The following BARD1 variants were observed in gnomAD, a reference collection of about 807,000 sequenced individuals.
BARD1 encodes the protein BRCA1 associated RING domain 1.
Under a neutral mutation model 77.0 loss-of-function variants are expected in BARD1, and 73 were observed. The observed-to-expected ratio is 0.95, with a 90% CI of 0.79 to 1.15. BARD1 has a LOEUF of 1.15. Ranked by LOEUF, BARD1 falls within the 50% of genes most tolerant of loss-of-function variation. BARD1 has a pLI of 0.00. For synonymous variants in BARD1, 384 were observed against 338.0 expected, an observed-to-expected ratio of 1.14 and a Z score of -1.49; for missense variants, 993 against 938.8, an observed-to-expected ratio of 1.06 and a Z score of -0.75.
rs371785856 is a variant in BARD1, at chr2:214,767,517, C to A, written c.1533G>T (p.Lys511Asn). Reference sequence around the variant, plus strand: ...TGGAGGCTCCATAGGAAAGTAACAGCTTGACTATATCCACATGCCCATTCT... The same window carrying A: ...TGGAGGCTCCATAGGAAAGTAACAGATTGACTATATCCACATGCCCATTCT... ...AAKNGHVDIV[K>N]LLLSYGASRN... The change falls in exon 6 of 11, where the codon AAG becomes AAT. Residue 511 changes from lysine to asparagine, a missense_variant. Transcript: ENST00000260947. 6.2e-7 allele frequency: 1 copy of A among 1,613,950 alleles called. No homozygotes were observed. The highest frequency in any genetic ancestry group is 1.1e-5 in the South Asian group (1 of 91,070).
intron 2 of BARD1, among the ~76,000 whole-genome samples, chr2:214,794,797 A>G (rs2106140995): frequency 6.6e-6 from 1 of 152,314 alleles, no homozygotes; most frequent in Non-Finnish European, 1.5e-5. Context: ...TTTAACTCAA[A>G]ATCTGCATGA....
rs1559373888 is a variant in BARD1 at position 214,730,436 on chromosome 2, C to T, written c.1976G>A (p.Arg659Lys). 6.2e-7 allele frequency: 1 copy of T among 1,613,818 alleles called. No individual in the cohort carries two copies. The highest frequency in any genetic ancestry group is 8.5e-7 in the Non-Finnish European group (1 of 1,179,824). The change falls in exon 10 of 11, where the codon AGA becomes AAA. Residue 659 changes from arginine to lysine, a missense_variant. Transcript: ENST00000260947. ...CAGCTGTTCTCTGTTGAGCCTGCTTCTGCGTGGACCTTCAGGAATTTCATA... is the reference window on the plus strand; with the variant it reads ...CAGCTGTTCTCTGTTGAGCCTGCTTTTGCGTGGACCTTCAGGAATTTCATA... ...EKYEIPEGPRRSRLNREQLLP... is the reference protein window; with the variant it reads ...EKYEIPEGPRKSRLNREQLLP...
intron 3 of BARD1, among the ~76,000 whole-genome samples, chr2:214,791,402 G>A (rs1695505110): frequency 6.6e-6 from 1 of 152,172 alleles, no homozygotes; most frequent in Non-Finnish European, 1.5e-5. Context: ...AATTTTATAT[G>A]AGCATTATCA....
Position 214,728,838 on chromosome 2 carries a change from C to A in BARD1, c.2172G>T (p.Ala724=), listed in dbSNP as rs143331809. 5.3e-5 allele frequency: 86 copies of A among 1,614,080 alleles called. No individual in the cohort carries two copies. Among genetic ancestry groups the A allele is most frequent in the Non-Finnish European group, 6.7e-5 (79 of 1,180,050 alleles). ...AGAAGCGCTGATCAGAATCGGGTCT[C>A]GCATGGTATGCGACTGTATTGATGG... ...TQTINTVAYH[A]RPDSDQRFCT... The change falls in exon 11 of 11, where the codon GCG becomes GCT. Residue 724 remains alanine (A), a synonymous_variant. Transcript: ENST00000260947.
intron 4 of BARD1, among the ~76,000 whole-genome samples, chr2:214,772,676 T>A (rs1694560767): frequency 6.6e-6 from 1 of 152,194 alleles, no homozygotes; most frequent in African/African-American, 2.4e-5. Context: ...TATAGCTGAT[T>A]AGCAAACGGC....
At chr2:214,769,559 T>C (rs1285870693) in intron 4 of BARD1, among the ~76,000 whole-genome samples, 1 of 152,112 alleles carries the variant, frequency 6.6e-6, no homozygotes, top group African/African-American at 2.4e-5. Context: ...CTGGTCAACA[T>C]GGTGAAACCC....
intron 2 of BARD1, among the ~76,000 whole-genome samples, chr2:214,794,801 T>G (rs1199664394): frequency 1.3e-5 from 2 of 152,196 alleles, no homozygotes; most frequent in African/African-American, 4.8e-5. Context: ...ACTCAAAATC[T>G]GCATGAATAA....
intron 4 of BARD1, among the ~76,000 whole-genome samples, chr2:214,777,894 T>C (rs1033736486): frequency 3.9e-5 from 6 of 152,216 alleles, no homozygotes; most frequent in Non-Finnish European, 8.8e-5. Flanking sequence ...AGGAATGAAA[T>C]GAAAACTGTT....
At position 214,727,273 on chromosome 2, in the gene BARD1, A is replaced by G. The variant is rs1280391383; in HGVS notation, c.*1403T>C. 2 of 230,344 alleles carry G rather than the reference A, an allele frequency of 8.7e-6. No homozygotes were observed. Among genetic ancestry groups the G allele is most frequent in the Non-Finnish European group, 1.7e-5 (2 of 116,342 alleles). The allele number at this position is 230,344 out of a possible 1,614,324, so 14.3% of individuals were successfully genotyped here. Reference sequence around the variant, plus strand: ...TTTTCAAATGATAAACAGAATCTCAAACTTTCAAGTAAGTGCATCTTAAGA... The same window carrying G: ...TTTTCAAATGATAAACAGAATCTCAGACTTTCAAGTAAGTGCATCTTAAGA... On this transcript the variant is annotated 3_prime_UTR_variant, in exon 11 of 11. Coordinates refer to ENST00000260947, the MANE Select transcript of BARD1 (RefSeq NM_000465.4).
chr2:214,790,909 T>C lies in BARD1; in HGVS notation c.364+1388A>G, dbSNP rs188621435. On this transcript the variant is annotated intron_variant, in intron 3 of 10. Coordinates refer to ENST00000260947, the MANE Select transcript of BARD1 (RefSeq NM_000465.4). ...GCATGGGCCCTTGATTAAGAACCCC[T>C]GCACTGACCCTCGGTATCTATGTGG... 1.3e-3 allele frequency among the ~76,000 whole-genome samples: 202 copies of C among 152,272 alleles called. 1 individual carries two copies. The highest frequency in any genetic ancestry group is 2.4e-3 in the Non-Finnish European group (163 of 68,016).
chr2:214,774,586 C>G (rs974930125), intron 4 of BARD1, among the ~76,000 whole-genome samples: 4 of 152,186 alleles, frequency 2.6e-5, no homozygotes, highest in African/African-American at 9.7e-5. Context: ...AAGATGTGCT[C>G]CCACCCAGGC....
Position 214,727,773 on chromosome 2 carries a change from A to T in BARD1, c.*903T>A. 4.4e-6 allele frequency: 1 copy of T among 227,102 alleles called. No homozygotes were observed. Among genetic ancestry groups the T allele is most frequent in the Non-Finnish European group, 8.8e-6 (1 of 114,214 alleles). 14.1% of individuals were successfully genotyped at this position (227,102 alleles called of 1,614,324 possible). A position where few individuals can be genotyped will look rare whatever the true frequency, so the allele number is the denominator to read the frequency against. ...AAAAAACCTTTTCCTTTTACAAAGGAAGAAATTAAGACCTTCAAAATTATT... is the reference window on the plus strand; with the variant it reads ...AAAAAACCTTTTCCTTTTACAAAGGTAGAAATTAAGACCTTCAAAATTATT... On this transcript the variant is annotated 3_prime_UTR_variant, in exon 11 of 11. Transcript: ENST00000260947.
intron 6 of BARD1, among the ~76,000 whole-genome samples, chr2:214,760,649 A>G (rs1269498492): frequency 2.0e-5 from 3 of 152,198 alleles, no homozygotes. Context: ...CTGCATTACA[A>G]AAATATTTAC....
chr2:214,751,121 A>T (rs12471427), intron 7 of BARD1, among the ~76,000 whole-genome samples: 254 of 14,396 alleles, frequency 0.018, 9 homozygotes, highest in Middle Eastern at 0.05. Flanking sequence ...GTGTGTGTAT[A>T]TATATATATA....
chr2:214,767,553 G>A lies in BARD1; in HGVS notation c.1497C>T (p.His499=), dbSNP rs760665188. 10 of 1,613,856 alleles carry A rather than the reference G, an allele frequency of 6.2e-6. No individual in the cohort carries two copies. The highest frequency in any genetic ancestry group is 4.2e-6 in the Non-Finnish European group (5 of 1,179,888). The change falls in exon 6 of 11, where the codon CAC becomes CAT. Residue 499 remains histidine, a synonymous_variant. Transcript: ENST00000260947. ...CCACATGCCCATTCTTGGCTGCATC[G>A]TGAAGTGGTGAGTCATTTTGATACC... The part of the protein sequence containing the change: ...TTGYQNDSPL[H]DAAKNGHVDI...
At chr2:214,802,918 T>C (rs556669551) in intron 1 of BARD1, among the ~76,000 whole-genome samples, 2 of 152,286 alleles carry the variant, frequency 1.3e-5, no homozygotes, top group African/African-American at 2.4e-5. Context: ...AGAGATCAGA[T>C]TGTTACTGTG....
intron 1 of BARD1, among the ~76,000 whole-genome samples, chr2:214,803,375 ATCTGTCT>A (rs1374835377): frequency 1.3e-5 from 2 of 152,212 alleles, no homozygotes; most frequent in Non-Finnish European, 2.9e-5. Flanking sequence ...AGAGGAAGGC[ATCTGTCT>A]CCTGCCCGTC....
intron 9 of BARD1, among the ~76,000 whole-genome samples, chr2:214,739,939 A>G (rs1015497665): frequency 6.6e-6 from 1 of 152,044 alleles, no homozygotes; most frequent in Non-Finnish European, 1.5e-5. Context: ...ATATATTATT[A>G]TATCATAAAT....
intron 4 of BARD1, among the ~76,000 whole-genome samples, chr2:214,773,336 C>T (rs1301405594): frequency 6.6e-6 from 1 of 152,146 alleles, no homozygotes; most frequent in Non-Finnish European, 1.5e-5. Context: ...TGTAAATGAA[C>T]CGACCAGGAA....
Sources: allele counts gnomAD v4.1 joint callset (sites outside exome capture counted in the v4.1 genomes callset), GRCh38; gene constraint gnomAD v4.1.1; transcripts MANE v1.5; gene names NCBI Gene and HGNC (gene_info 2026-07-23, HGNC 2026-07-21).